The following OSBPL10 variants were observed in gnomAD, a reference collection of about 807,000 sequenced individuals.
OSBPL10 encodes the protein oxysterol-binding protein-related protein 10.
Under a neutral mutation model 81.7 loss-of-function variants are expected in OSBPL10, and 49 were observed. The observed-to-expected ratio is 0.60, with a 90% CI of 0.48 to 0.76. OSBPL10 has a LOEUF of 0.76. OSBPL10 is among the 30% of genes least tolerant of loss of function. The pLI is 0.00. For missense variants in OSBPL10, 923 were observed against 987.8 expected, an observed-to-expected ratio of 0.93 and a Z score of 0.88; for synonymous variants, 419 against 383.6, an observed-to-expected ratio of 1.09 and a Z score of -1.08.
At chr3:31,708,061 C>G (rs1696129421) in intron 6 of OSBPL10, among the ~76,000 whole-genome samples, 1 of 152,090 alleles carries the variant, frequency 6.6e-6, no homozygotes, top group African/African-American at 2.4e-5. Flanking sequence ...GCCCAACAAC[C>G]AATTACTGAA....
At chr3:31,830,327 C>T in intron 3 of OSBPL10, 96 bp from the exon 4 acceptor site, 3 of 1,272,738 alleles carry the variant, frequency 2.4e-6, no homozygotes, top group Middle Eastern at 2.2e-4. Flanking sequence ...CATCTTTCCC[C>T]TTCCTCTCTT....
chr3:32,068,659 C>T (rs561447281), intron 1 of OSBPL10, among the ~76,000 whole-genome samples: 5 of 152,214 alleles, frequency 3.3e-5, no homozygotes, highest in African/African-American at 9.6e-5. Flanking sequence ...CTCCATCCTA[C>T]GAGACCTAGA....
chr3:31,999,521 C>G (rs1699124765), intron 2 of OSBPL10, among the ~76,000 whole-genome samples: 1 of 152,034 alleles, frequency 6.6e-6, no homozygotes, highest in East Asian at 1.9e-4. Context: ...CAACCACGCC[C>G]ACCTAATTTT....
intron 3 of OSBPL10, among the ~76,000 whole-genome samples, chr3:31,835,346 C>T (rs925377114): frequency 3.3e-5 from 5 of 151,638 alleles, no homozygotes; most frequent in Non-Finnish European, 5.9e-5. Context: ...TTAATACTTG[C>T]GATAAACAAA....
intron 1 of OSBPL10, among the ~76,000 whole-genome samples, chr3:31,935,545 CAG>C (rs1353579883): frequency 4.1e-5 from 6 of 148,038 alleles, no homozygotes; most frequent in East Asian, 4.0e-4. Context: ...TTTCTTGAGA[CAG>C]AGTCTCACTC....
At position 31,687,970 on chromosome 3, in the gene OSBPL10, A is replaced by G. The variant is rs200065725; in HGVS notation, c.1246-3856T>C. Reference sequence around the variant, plus strand: ...CAAAGGAGATCAAATGGGCAAGAGAATGGGACATGAGCCCCACCTTTTAGG... The same window carrying G: ...CAAAGGAGATCAAATGGGCAAGAGAGTGGGACATGAGCCCCACCTTTTAGG... On this transcript the variant is annotated intron_variant, in intron 7 of 11. Transcript: ENST00000396556. 4.6e-5 allele frequency among the ~76,000 whole-genome samples: 7 copies of G among 151,984 alleles called. No individual in the cohort carries two copies. In the East Asian group the frequency reaches 1.4e-3, roughly 29 times the overall value.
intron 1 of OSBPL10, among the ~76,000 whole-genome samples, chr3:31,880,977 T>A (rs1324141072): frequency 1.3e-5 from 2 of 152,138 alleles, no homozygotes; most frequent in African/African-American, 4.8e-5. Flanking sequence ...GTGAAGCAGG[T>A]CCTTCACCAT....
intron 4 of OSBPL10, among the ~76,000 whole-genome samples, chr3:31,784,894 T>TGGTG (rs1698823763): frequency 1.4e-5 from 1 of 73,888 alleles, no homozygotes. Context: ...GGCGGGGGGG[T>TGGTG]GGGGATACAG....
At chr3:31,871,233 G>A (rs1575592523) in intron 3 of OSBPL10, among the ~76,000 whole-genome samples, 1 of 152,102 alleles carries the variant, frequency 6.6e-6, no homozygotes, top group East Asian at 1.9e-4. Context: ...TCACCCCTAA[G>A]ATCTGCAGCT....
intron 6 of OSBPL10, among the ~76,000 whole-genome samples, chr3:31,729,564 G>A (rs1245515454): frequency 1.3e-5 from 2 of 152,122 alleles, no homozygotes; most frequent in African/African-American, 4.8e-5. Flanking sequence ...GGGATTACAG[G>A]CGCACGCCAC....
upstream of OSBPL10, among the ~76,000 whole-genome samples, chr3:31,984,376 G>A (rs747957464): frequency 1.3e-5 from 2 of 151,562 alleles, no homozygotes; most frequent in Non-Finnish European, 2.9e-5. Flanking sequence ...ATAGTTTGGT[G>A]GGCAGAGGGC....
intron 3 of OSBPL10, among the ~76,000 whole-genome samples, chr3:31,832,011 G>C (rs1436826303): frequency 6.6e-6 from 1 of 152,172 alleles, no homozygotes; most frequent in Admixed American, 6.6e-5. Context: ...ATAAATTATG[G>C]TACATCTATG....
chr3:32,045,992 A>T (rs922270986), intron 2 of OSBPL10: 2 of 152,154 alleles, frequency 1.3e-5, no homozygotes, highest in African/African-American at 2.4e-5. Flanking sequence ...CAACAAACAA[A>T]CACCAGAATC....
chr3:31,742,900 T>C (rs1016145722), intron 5 of OSBPL10, among the ~76,000 whole-genome samples: 19 of 152,014 alleles, frequency 1.2e-4, no homozygotes, highest in Non-Finnish European at 5.9e-5. Context: ...ACATCTAGGC[T>C]GAAGAAAACA....
intron 2 of OSBPL10, among the ~76,000 whole-genome samples, chr3:31,986,969 T>C (rs1698942284): frequency 6.6e-6 from 1 of 152,190 alleles, no homozygotes; most frequent in East Asian, 1.9e-4. Context: ...ATTGTGCCAC[T>C]GTACTCCAGC....
intron 5 of OSBPL10, among the ~76,000 whole-genome samples, chr3:31,737,333 C>A (rs992460193): frequency 6.6e-6 from 1 of 152,040 alleles, no homozygotes; most frequent in Non-Finnish European, 1.5e-5. Context: ...CTGTACAGAG[C>A]TTGGGGAAAA....
At chr3:31,861,691 T>C (rs926432486) in intron 3 of OSBPL10, among the ~76,000 whole-genome samples, 1 of 152,220 alleles carries the variant, frequency 6.6e-6, no homozygotes, top group Admixed American at 6.5e-5. Flanking sequence ...ACTGCCTAAC[T>C]ACCCCAAAAC....
At chr3:31,799,379 TAAA>T (rs61157535) in intron 4 of OSBPL10, among the ~76,000 whole-genome samples, 66 of 56,242 alleles carry the variant, frequency 1.2e-3, no homozygotes, top group African/African-American at 3.9e-3. Context: ...CCTATCTCTT[TAAA>T]AAAAAAAAAA....
chr3:31,851,437 C>G (rs1454683914), intron 3 of OSBPL10, among the ~76,000 whole-genome samples: 1 of 152,162 alleles, frequency 6.6e-6, no homozygotes, highest in Non-Finnish European at 1.5e-5. Context: ...AGCCTCTCCC[C>G]GCATCTGCCC....
Sources: allele counts gnomAD v4.1 joint callset (sites outside exome capture counted in the v4.1 genomes callset), GRCh38; gene constraint gnomAD v4.1.1; transcripts MANE v1.5; gene names NCBI Gene and HGNC (gene_info 2026-07-23, HGNC 2026-07-21).